The following TWIST2 variants were observed in gnomAD, a reference collection of about 807,000 sequenced individuals.
The protein encoded by TWIST2 is twist family bHLH transcription factor 2, also known as twist-related protein 2.
A neutral mutation model predicts 11.6 loss-of-function variants in TWIST2; 1 was observed. That is an observed-to-expected ratio of 0.09 (90% CI 0.03 to 0.41). TWIST2 has a LOEUF of 0.41. TWIST2 is among the 10% of genes least tolerant of loss of function. The pLI is 0.98. For missense variants in TWIST2, 168 were observed against 226.4 expected (o/e 0.74, Z 1.66); for synonymous variants, 87 against 96.6 (o/e 0.90, Z 0.58).
intron 1 of TWIST2, among the ~76,000 whole-genome samples, chr2:238,881,613 A>G (rs1466095945): frequency 6.6e-6 from 1 of 152,024 alleles, no homozygotes; most frequent in Non-Finnish European, 1.5e-5. Context: ...ATTAGTTAGT[A>G]TTTATTAGCA....
chr2:238,905,216 C>T (rs1369139196), intron 1 of TWIST2, among the ~76,000 whole-genome samples: 2 of 135,150 alleles, frequency 1.5e-5, no homozygotes, highest in African/African-American at 5.0e-5. Flanking sequence ...TCATTAGGGC[C>T]CCGGTCTGGT....
rs527706667 is a variant in TWIST2 at position 238,862,989 on chromosome 2, T to C, written c.*35+14256T>C. Among the ~76,000 whole-genome samples, 11 of 152,158 alleles carry C rather than the reference T, an allele frequency of 7.2e-5. No individual in the cohort carries two copies. The South Asian group carries it at 1.0e-3, about 14-fold the overall frequency. ...TTGTCTGGAGAGACAGTGGCAAGAA[T>C]GAATGTCTCTGGACCAAAAGTTGAT... On this transcript the variant is annotated intron_variant, in intron 1 of 1. Coordinates refer to ENST00000612363, the MANE Select transcript of TWIST2 (RefSeq NM_001271893.4).
chr2:238,861,462 A>G (rs924745199), intron 1 of TWIST2, among the ~76,000 whole-genome samples: 1 of 152,154 alleles, frequency 6.6e-6, no homozygotes, highest in Non-Finnish European at 1.5e-5. Context: ...GGGCACCTCC[A>G]TCACTGATTT....
chr2:238,887,503 T>C (rs1346028053), intron 1 of TWIST2, among the ~76,000 whole-genome samples: 1 of 152,210 alleles, frequency 6.6e-6, no homozygotes, highest in Non-Finnish European at 1.5e-5. Flanking sequence ...TTTTGTTTGT[T>C]TTAGACAATC....
intron 1 of TWIST2, among the ~76,000 whole-genome samples, chr2:238,850,047 T>C (rs1232417512): frequency 2.6e-5 from 4 of 152,360 alleles, no homozygotes; most frequent in African/African-American, 7.2e-5. Flanking sequence ...TGTGGTTCTA[T>C]AATATCTGCG....
intron 1 of TWIST2, among the ~76,000 whole-genome samples, chr2:238,849,182 G>T (rs1277054786): frequency 3.3e-5 from 5 of 152,324 alleles, no homozygotes; most frequent in African/African-American, 1.2e-4. Flanking sequence ...GTGTTGCCGG[G>T]CGAATGGCTT....
intron 1 of TWIST2, among the ~76,000 whole-genome samples, chr2:238,853,479 G>GAGAA (rs1559266531): frequency 6.7e-6 from 1 of 148,712 alleles, no homozygotes; most frequent in African/African-American, 2.5e-5. Context: ...GAGAGAGAGA[G>GAGAA]AAACTCAAAC....
At chr2:238,893,865 C>G (rs1362707147) in intron 1 of TWIST2, among the ~76,000 whole-genome samples, 2 of 152,204 alleles carry the variant, frequency 1.3e-5, no homozygotes, top group African/African-American at 4.8e-5. Flanking sequence ...GTCCTGGACC[C>G]TGGTGACCTT....
Position 238,870,119 on chromosome 2 carries a change from AC to A in TWIST2, c.*35+21392del, listed in dbSNP as rs1273512193. Among the ~76,000 whole-genome samples the A allele has an allele frequency of 1.2e-3, 106 of 89,976 alleles. 7 individuals carry two copies. Among genetic ancestry groups the A allele is most frequent in the African/African-American group, 4.8e-3 (96 of 19,978 alleles). 59.0% of individuals were successfully genotyped at this position (89,976 alleles called of 152,430 possible). On this transcript the variant is annotated intron_variant, in intron 1 of 1. Coordinates refer to ENST00000612363, the MANE Select transcript of TWIST2 (RefSeq NM_001271893.4). The stretch of plus-strand genomic sequence containing the variant: ...TGGTGTGTACACAGACACACCATAC[AC>A]CCCCCACACACACACCACACCCCAT...
rs1233182473 is a variant in TWIST2, at chr2:238,867,237, G to A, written c.*35+18504G>A. ...CTGCAGAAGAGAAGGGGTAGAGGTG[G>A]AGAAAGAGGGAGAGGGAGGCAGGGA... On this transcript the variant is annotated intron_variant, in intron 1 of 1. Transcript: ENST00000612363. The surrounding 1 kb of genome is among the most constrained non-coding windows in gnomAD (Gnocchi z 4.8). 1.3e-5 allele frequency among the ~76,000 whole-genome samples: 2 copies of A among 152,090 alleles called. No homozygotes were observed. Among genetic ancestry groups the A allele is most frequent in the African/African-American group, 4.8e-5 (2 of 41,404 alleles).
intron 1 of TWIST2, among the ~76,000 whole-genome samples, chr2:238,895,866 C>T (rs1693200741): frequency 6.6e-6 from 1 of 152,152 alleles, no homozygotes; most frequent in African/African-American, 2.4e-5. Context: ...TGCAGACAAG[C>T]TCGCCCTCTC....
At chr2:238,856,000 C>T (rs1692322572) in intron 1 of TWIST2, among the ~76,000 whole-genome samples, 1 of 152,110 alleles carries the variant, frequency 6.6e-6, no homozygotes. Context: ...CCCAGGGTGC[C>T]CTGTTTTTGT....
chr2:238,885,074 C>T (rs1456636795), intron 1 of TWIST2, among the ~76,000 whole-genome samples: 3 of 152,200 alleles, frequency 2.0e-5, no homozygotes, highest in Admixed American at 6.5e-5. Flanking sequence ...GGAGCTTCTG[C>T]ACCTTCTCAT....
In TWIST2 at chr2:238,863,468, G is replaced by T. The variant is rs1390422372; in HGVS notation, c.*35+14735G>T. On this transcript the variant is annotated intron_variant, in intron 1 of 1. Coordinates refer to ENST00000612363, the MANE Select transcript of TWIST2 (RefSeq NM_001271893.4). The surrounding 1 kb of genome is among the most constrained non-coding windows in gnomAD (Gnocchi z 4.7). ...GGAGCTGGCGACGTCCTTTGGCAGT[G>T]AGGGCTGTGCGGTTTCAGCTCTCCT... Among the ~76,000 whole-genome samples the T allele has an allele frequency of 6.6e-6, 1 of 152,226 alleles. No individual in the cohort carries two copies. The highest frequency in any genetic ancestry group is 1.9e-4 in the East Asian group (1 of 5,198).
rs914284825 is a variant in TWIST2, at chr2:238,910,015, C to G, written c.*209C>G. The G allele has an allele frequency of 2.6e-5, 4 of 152,084 alleles. No individual in the cohort carries two copies. Among genetic ancestry groups the G allele is most frequent in the African/African-American group, 9.7e-5 (4 of 41,398 alleles). 9.4% of individuals were successfully genotyped at this position (152,084 alleles called of 1,614,324 possible). The stretch of plus-strand genomic sequence containing the variant: ...GCTCCCGTCCTCCCCCAGGACGGTC[C>G]CCACATAGGAAGGGCACTCCCAGCC... On this transcript the variant is annotated 3_prime_UTR_variant, in exon 2 of 2. Transcript: ENST00000612363.
At chr2:238,857,883 G>A (rs915362796) in intron 1 of TWIST2, among the ~76,000 whole-genome samples, 6 of 152,156 alleles carry the variant, frequency 3.9e-5, no homozygotes, top group Admixed American at 3.9e-4. Flanking sequence ...GTTGCAGTGA[G>A]CTGAGATCGC....
At chr2:238,890,146 C>T (rs954097672) in intron 1 of TWIST2, among the ~76,000 whole-genome samples, 3 of 151,474 alleles carry the variant, frequency 2.0e-5, no homozygotes, top group Non-Finnish European at 2.9e-5. Flanking sequence ...GGAGCAAAGG[C>T]CTGCATTGGC....
intron 1 of TWIST2, among the ~76,000 whole-genome samples, chr2:238,870,867 A>C (rs1574755106): frequency 2.5e-5 from 1 of 40,004 alleles, no homozygotes; most frequent in African/African-American, 1.5e-4. Flanking sequence ...CTTACCCCAC[A>C]CACACCACAC....
At chr2:238,856,952 A>C (rs1005785063) in intron 1 of TWIST2, among the ~76,000 whole-genome samples, 2 of 152,178 alleles carry the variant, frequency 1.3e-5, no homozygotes, top group African/African-American at 2.4e-5. Flanking sequence ...ACTGCCCAGC[A>C]AAGTGTGTCC....
Sources: allele counts gnomAD v4.1 joint callset (sites outside exome capture counted in the v4.1 genomes callset), GRCh38; gene constraint gnomAD v4.1.1; non-coding constraint Gnocchi (gnomAD v3.1); transcripts MANE v1.5; gene names NCBI Gene and HGNC (gene_info 2026-07-23, HGNC 2026-07-21).